Variants in COTL1 observed in about 807,000 individuals in gnomAD.
COTL1 encodes the protein coactosin like F-actin binding protein 1.
COTL1 carries 15 observed loss-of-function variants against 16.5 expected under a neutral mutation model. The observed-to-expected ratio is 0.91, with a 90% confidence interval of 0.61 to 1.40. The LOEUF (loss-of-function observed/expected upper bound fraction) is 1.40, where lower values mean the gene tolerates loss of function less well. Among genes scored for constraint, COTL1 ranks in the 40% most tolerant of loss-of-function variants. The probability of loss-of-function intolerance (pLI) is 0.00; values close to 1 mark genes in which losing one functional copy is unlikely to be tolerated. For missense variants in COTL1, 220 were observed against 201.5 expected, an observed-to-expected ratio of 1.09 and a Z score of -0.56; for synonymous variants, 112 against 85.3, an observed-to-expected ratio of 1.31 and a Z score of -1.73.
intron 2 of COTL1, chr16:84,595,252 G>A (rs1904970467): frequency 1.3e-5 from 2 of 152,326 alleles, no homozygotes; most frequent in Non-Finnish European, 2.9e-5. Flanking sequence ...ACTGCTGCGT[G>A]CTTATCCGAC....
chr16:84,592,771 C>T (rs1904901911), intron 2 of COTL1, among the ~76,000 whole-genome samples: 1 of 152,050 alleles, frequency 6.6e-6, no homozygotes, highest in Admixed American at 6.6e-5. Context: ...TATCTCAAAA[C>T]CGGAGGGGGT....
At chr16:84,603,608 C>G (rs1905147095) in intron 2 of COTL1, among the ~76,000 whole-genome samples, 1 of 152,054 alleles carries the variant, frequency 6.6e-6, no homozygotes. Flanking sequence ...ATGATAAGGA[C>G]AAGGCGGCCT....
In COTL1 at chr16:84,608,526, C is replaced by G. The variant is rs553806354; in HGVS notation, c.160+8975G>C. On this transcript the variant is annotated intron_variant, in intron 2 of 3. Coordinates refer to ENST00000262428, the MANE Select transcript of COTL1 (RefSeq NM_021149.5). ...GGCTCAGGGCCTCCCAGCAACAGATCTGTGGGCAAAGAAGGCAATGGGAGA... is the reference window on the plus strand; with the variant it reads ...GGCTCAGGGCCTCCCAGCAACAGATGTGTGGGCAAAGAAGGCAATGGGAGA... 5.3e-5 allele frequency among the ~76,000 whole-genome samples: 8 copies of G among 152,338 alleles called. No individual in the cohort carries two copies. In the South Asian group the frequency reaches 1.7e-3, roughly 32 times the overall value.
At chr16:84,597,882 G>A (rs1274754290) in intron 2 of COTL1, among the ~76,000 whole-genome samples, 4 of 152,100 alleles carry the variant, frequency 2.6e-5, no homozygotes, top group Non-Finnish European at 5.9e-5. Flanking sequence ...CCCAAGAGAG[G>A]GAACAGCCAT....
chr16:84,598,483 G>A (rs916763848), intron 2 of COTL1, among the ~76,000 whole-genome samples: 1 of 152,068 alleles, frequency 6.6e-6, no homozygotes, highest in East Asian at 1.9e-4. Flanking sequence ...TCAGGATACC[G>A]CCTGGCGCAG....
intron 3 of COTL1, among the ~76,000 whole-genome samples, chr16:84,582,613 C>T (rs558878030): frequency 2.4e-4 from 37 of 152,266 alleles, no homozygotes; most frequent in Middle Eastern, 3.4e-3. Context: ...ATAGTAGATA[C>T]AGATATAGGC....
chr16:84,568,872 C>T (rs1479456707), intron 3 of COTL1: 2 of 152,152 alleles, frequency 1.3e-5, no homozygotes, highest in Non-Finnish European at 2.9e-5. Context: ...AATGCTTGTC[C>T]GAAGTCAGAC....
At chr16:84,613,477 G>T (rs1211378773) in intron 2 of COTL1, among the ~76,000 whole-genome samples, 2 of 152,134 alleles carry the variant, frequency 1.3e-5, no homozygotes, top group African/African-American at 4.8e-5. Context: ...GGCTGCAGAT[G>T]TGTGAGGGAG....
rs560104127 is a variant in COTL1 at position 84,613,080 on chromosome 16, A to C, written c.160+4421T>G. ...CAACAGCGCGATCTCGGCTCACTGCAACCTCTGCCTCCTGGGTTCAAGTGA... is the reference window on the plus strand; with the variant it reads ...CAACAGCGCGATCTCGGCTCACTGCCACCTCTGCCTCCTGGGTTCAAGTGA... On this transcript the variant is annotated intron_variant, in intron 2 of 3. Transcript: ENST00000262428. Among the ~76,000 whole-genome samples the C allele has an allele frequency of 4.0e-5, 6 of 150,772 alleles. No individual in the cohort carries two copies. In the South Asian group the frequency reaches 1.3e-3, roughly 32 times the overall value.
At chr16:84,599,882 G>C (rs1462567433) in intron 2 of COTL1, among the ~76,000 whole-genome samples, 2 of 152,230 alleles carry the variant, frequency 1.3e-5, no homozygotes, top group Non-Finnish European at 2.9e-5. Context: ...CCCAGAGCAA[G>C]GGGACAGCTG....
At chr16:84,585,277 C>G (rs928314499) in intron 3 of COTL1, among the ~76,000 whole-genome samples, 1 of 148,724 alleles carries the variant, frequency 6.7e-6, no homozygotes, top group African/African-American at 2.5e-5. Flanking sequence ...ATTGCTTAAG[C>G]ATGGGAGGCA....
chr16:84,604,823 G>T (rs1047773992), intron 2 of COTL1, among the ~76,000 whole-genome samples: 1 of 152,200 alleles, frequency 6.6e-6, no homozygotes, highest in African/African-American at 2.4e-5. Flanking sequence ...CCCCTGGCCC[G>T]CCTGAAGCAG....
chr16:84,613,497 A>G (rs1171545523), intron 2 of COTL1, among the ~76,000 whole-genome samples: 1 of 152,098 alleles, frequency 6.6e-6, no homozygotes, highest in East Asian at 1.9e-4. Context: ...GGGTGTGTGG[A>G]GCTACTAGAG....
At chr16:84,601,091 G>A (rs920330609) in intron 2 of COTL1, among the ~76,000 whole-genome samples, 33 of 152,220 alleles carry the variant, frequency 2.2e-4, no homozygotes, top group African/African-American at 6.5e-4. Flanking sequence ...GAGACGCTGC[G>A]CCACTGAGGG....
chr16:84,609,970 C>T (rs1012105328), intron 2 of COTL1, among the ~76,000 whole-genome samples: 5 of 152,208 alleles, frequency 3.3e-5, no homozygotes, highest in Admixed American at 6.5e-5. Context: ...AACACACTAT[C>T]CCTGAATTCC....
intron 3 of COTL1, among the ~76,000 whole-genome samples, chr16:84,589,878 T>C (rs1429264): frequency 0.28 from 42,121 of 152,108 alleles, 6,242 homozygotes; most frequent in Middle Eastern, 0.36. Flanking sequence ...CAAGCTTCTG[T>C]TATGGGATAG....
intron 2 of COTL1, among the ~76,000 whole-genome samples, chr16:84,591,766 T>G (rs113297653): frequency 0.015 from 2,266 of 149,772 alleles, 59 homozygotes; most frequent in African/African-American, 0.052. Flanking sequence ...GAGACTGCAG[T>G]TGAGTAGAGA....
chr16:84,603,535 A>C (rs1453286875), intron 2 of COTL1, among the ~76,000 whole-genome samples: 1 of 152,080 alleles, frequency 6.6e-6, no homozygotes, highest in African/African-American at 2.4e-5. Flanking sequence ...CAGCCAGCTG[A>C]GGGGGTGATG....
At chr16:84,573,261 G>A (rs998572583) in intron 3 of COTL1, among the ~76,000 whole-genome samples, 11 of 152,196 alleles carry the variant, frequency 7.2e-5, no homozygotes, top group African/African-American at 2.2e-4. Flanking sequence ...CCGGGTATAC[G>A]GCACACACTG....
Sources: gnomAD v4.1 joint callset for allele counts (sites outside exome capture counted in the v4.1 genomes callset) on GRCh38, gnomAD v4.1.1 for gene constraint, MANE v1.5 for transcripts, NCBI Gene and HGNC (gene_info 2026-07-23, HGNC 2026-07-21) for gene names.